Variants in LRRIQ1 observed in about 807,000 individuals in gnomAD.
The protein encoded by LRRIQ1 is leucine rich repeats and IQ motif containing 1, also known as leucine-rich repeat- and IQ domain-containing protein 1.
In LRRIQ1, 210 loss-of-function variants were observed where a neutral mutation model predicts 211.9. The observed-to-expected ratio is 0.99, with a 90% CI of 0.89 to 1.11. The LOEUF is 1.11. Ranked by LOEUF, LRRIQ1 falls within the 50% of genes most tolerant of loss-of-function variation. The probability of loss-of-function intolerance (pLI) is 0.00; values close to 1 mark genes in which losing one functional copy is unlikely to be tolerated. For missense variants in LRRIQ1, 2,136 were observed against 1,939.5 expected (o/e 1.10, Z -1.90); for synonymous variants, 699 against 650.1 (o/e 1.08, Z -1.14).
At chr12:85,112,012 A>T (rs1016736615) in intron 15 of LRRIQ1, among the ~76,000 whole-genome samples, 6 of 151,976 alleles carry the variant, frequency 3.9e-5, no homozygotes, top group Non-Finnish European at 7.4e-5. Flanking sequence ...ATAAAAATTG[A>T]GGTGCAGAGA....
chr12:85,195,266 C>G (rs943989800), intron 24 of LRRIQ1, among the ~76,000 whole-genome samples: 9 of 151,876 alleles, frequency 5.9e-5, no homozygotes, highest in African/African-American at 2.2e-4. Flanking sequence ...TGGTACCATT[C>G]CTTCTGAAAC....
In LRRIQ1 at chr12:85,057,100, A is replaced by T; in HGVS notation, c.2307A>T (p.Arg769Ser). 1 of 1,605,670 alleles carries T rather than the reference A, an allele frequency of 6.2e-7. No individual in the cohort carries two copies. The highest frequency in any genetic ancestry group is 1.3e-5 in the African/African-American group (1 of 74,288). ...AAAAGAAAATTGTTAGAAGAAAGAG[A>T]CCTGTGAAATGCCCAGCCAACATGA... is the stretch of plus-strand genomic sequence containing the variant. The part of the protein sequence containing the change: ...NQQKKIVRRK[R>S]PVKCPANMTP... The change falls in exon 8 of 27, where the codon AGA (arginine) becomes AGT (serine). Residue 769 changes from arginine (R) to serine (S), a missense_variant. Arg to Ser is a moderately radical substitution (Grantham distance 110, BLOSUM62 -1). Transcript: ENST00000393217.
chr12:85,055,527 T>C lies in LRRIQ1; in HGVS notation c.754-20T>C, dbSNP rs1362353538. On this transcript the variant is annotated intron_variant, in intron 7 of 26. Coordinates refer to ENST00000393217, the MANE Select transcript of LRRIQ1 (RefSeq NM_001079910.2). ...CATGTTTAGTTTATGCTGACTACCA[T>C]GTATCTTACTTTGTTTTAGGAGTAT... is the stretch of plus-strand genomic sequence containing the variant. 4.8e-6 allele frequency: 7 copies of C among 1,450,370 alleles called. No individual in the cohort carries two copies. Among genetic ancestry groups the C allele is most frequent in the South Asian group, 1.6e-5 (1 of 63,264 alleles). The allele number at this position is 1,450,370 out of a possible 1,614,324, so 89.8% of individuals were successfully genotyped here. A position where few individuals can be genotyped will look rare whatever the true frequency, so the allele number is the denominator to read the frequency against.
intron 15 of LRRIQ1, among the ~76,000 whole-genome samples, chr12:85,112,252 A>G (rs1040662147): frequency 5.9e-5 from 9 of 151,682 alleles, no homozygotes; most frequent in African/African-American, 9.7e-5. Flanking sequence ...ATTTGGATCT[A>G]TTTTCTCTTA....
At chr12:85,112,411 G>A (rs1887246346) in intron 15 of LRRIQ1, among the ~76,000 whole-genome samples, 1 of 150,766 alleles carries the variant, frequency 6.6e-6, no homozygotes, top group South Asian at 2.1e-4. Context: ...AATAGCATAA[G>A]AAATATTTCT....
chr12:85,182,987 TGCAGGAGCCTTCCA>T (rs1233031954), intron 24 of LRRIQ1, among the ~76,000 whole-genome samples: 1 of 152,176 alleles, frequency 6.6e-6, no homozygotes, highest in Non-Finnish European at 1.5e-5. Flanking sequence ...TGTAAAAGAC[TGCAGGAGCCTTCCA>T]GTGCACGCAC....
At chr12:85,200,617 T>C (rs1893240318) in intron 24 of LRRIQ1, among the ~76,000 whole-genome samples, 1 of 152,138 alleles carries the variant, frequency 6.6e-6, no homozygotes, top group Non-Finnish European at 1.5e-5. Context: ...GCTCTTATTA[T>C]TCTGAAACAT....
At position 85,124,257 on chromosome 12, in the gene LRRIQ1, T is replaced by C. The variant is rs761396858; in HGVS notation, c.3745T>C (p.Phe1249Leu). Residue 1249 changes from phenylalanine (F) to leucine (L), a missense_variant, in exon 17 of 27, where the codon TTC becomes CTC. Transcript: ENST00000393217. ...NSDSTLQNGV[F>L]YSCAREGEPD... ...TGACAGCACTCTGCAAAATGGAGTCTTCTACTCTTGTGCACGTGAAGGTGA... is the reference window on the plus strand; with the variant it reads ...TGACAGCACTCTGCAAAATGGAGTCCTCTACTCTTGTGCACGTGAAGGTGA... 3 of 1,614,128 alleles carry C rather than the reference T, an allele frequency of 1.9e-6. No homozygotes were observed. The highest frequency in any genetic ancestry group is 1.3e-5 in the African/African-American group (1 of 75,026).
At chr12:85,227,425 G>C (rs1302868389) in intron 24 of LRRIQ1, among the ~76,000 whole-genome samples, 2 of 152,140 alleles carry the variant, frequency 1.3e-5, no homozygotes, top group Non-Finnish European at 2.9e-5. Flanking sequence ...GATGGCCAAT[G>C]ATGATGAGCA....
intron 24 of LRRIQ1, among the ~76,000 whole-genome samples, chr12:85,178,660 C>T (rs934447420): frequency 6.6e-6 from 1 of 151,932 alleles, no homozygotes; most frequent in Non-Finnish European, 1.5e-5. Flanking sequence ...CTTACATCTT[C>T]GCTTCCATTC....
At position 85,153,756 on chromosome 12, in the gene LRRIQ1, A is replaced by G; in HGVS notation, c.4635A>G (p.Glu1545=). The G allele has an allele frequency of 1.3e-6, 2 of 1,532,934 alleles. No individual in the cohort carries two copies. The highest frequency in any genetic ancestry group is 1.8e-6 in the Non-Finnish European group (2 of 1,128,172). The allele number at this position is 1,532,934 out of a possible 1,614,324, so 95.0% of individuals were successfully genotyped here. Residue 1545 remains glutamate, a splice_region_variant and synonymous_variant, in exon 22 of 27, where the codon GAA becomes GAG. Coordinates refer to ENST00000393217, the MANE Select transcript of LRRIQ1 (RefSeq NM_001079910.2). ...KSEKEKKISE[E]WGFKDISTAQ... The stretch of plus-strand genomic sequence containing the variant: ...AAAAAGAAAAAAAAATTTCAGAAGA[A>G]TGGTATGTAGTCAATTTGACACTAA...
chr12:85,184,747 T>C (rs2136904567), intron 24 of LRRIQ1, among the ~76,000 whole-genome samples: 1 of 152,160 alleles, frequency 6.6e-6, no homozygotes, highest in East Asian at 1.9e-4. Flanking sequence ...ATGTGAAATA[T>C]AATGTTATGA....
chr12:85,268,317 G>A (rs1002905072), downstream of LRRIQ1, among the ~76,000 whole-genome samples: 19 of 151,970 alleles, frequency 1.3e-4, no homozygotes, highest in African/African-American at 4.6e-4. Flanking sequence ...CTAATAGCAT[G>A]TTAACTTATT....
intron 24 of LRRIQ1, among the ~76,000 whole-genome samples, chr12:85,228,782 T>G (rs938152212): frequency 2.6e-5 from 4 of 152,224 alleles, no homozygotes; most frequent in Non-Finnish European, 5.9e-5. Context: ...AGACTTTTTA[T>G]GTACAAACAT....
At position 85,233,318 on chromosome 12, in the gene LRRIQ1, A is replaced by T. The variant is rs992434464; in HGVS notation, c.5016+562A>T. Among the ~76,000 whole-genome samples, 5 of 151,930 alleles carry T rather than the reference A, an allele frequency of 3.3e-5. No homozygotes were observed. The South Asian group carries it at 1.0e-3, about 32-fold the overall frequency. On this transcript the variant is annotated intron_variant, in intron 26 of 26. Transcript: ENST00000393217. ...TAGATAAGCAGAAGGAGAATGGTCAATTTGGAGTCTAGGAAAACTGATCAC... is the reference window on the plus strand; with the variant it reads ...TAGATAAGCAGAAGGAGAATGGTCATTTTGGAGTCTAGGAAAACTGATCAC...
intron 18 of LRRIQ1, 40 bp downstream of exon 18, chr12:85,128,073 T>G: frequency 7.3e-7 from 1 of 1,365,306 alleles, no homozygotes; most frequent in Non-Finnish European, 1.0e-6. Context: ...ACAAAAGATA[T>G]ATTAGTTGTC....
intron 13 of LRRIQ1, among the ~76,000 whole-genome samples, chr12:85,102,955 A>ATATATATATATATAT (rs1555207722): frequency 3.9e-4 from 46 of 119,368 alleles, no homozygotes; most frequent in African/African-American, 1.5e-3. Flanking sequence ...AAAAAAAAAA[A>ATATATATATATATAT]AAAAATATAT....
At chr12:85,094,612 TATTA>T (rs1885699635) in intron 11 of LRRIQ1, among the ~76,000 whole-genome samples, 1 of 152,164 alleles carries the variant, frequency 6.6e-6, no homozygotes, top group Non-Finnish European at 1.5e-5. Context: ...TTATGTTCCA[TATTA>T]ATTTTAGAAT....
intron 5 of LRRIQ1, among the ~76,000 whole-genome samples, chr12:85,046,685 A>C (rs561797418): frequency 8.5e-5 from 13 of 152,330 alleles, no homozygotes; most frequent in African/African-American, 2.6e-4. Context: ...TCATGCTGCT[A>C]TAAAGACACA....
Sources: allele counts gnomAD v4.1 joint callset (sites outside exome capture counted in the v4.1 genomes callset), GRCh38; gene constraint gnomAD v4.1.1; transcripts MANE v1.5; gene names NCBI Gene and HGNC (gene_info 2026-07-23, HGNC 2026-07-21).